COL22A1: variants seen among roughly 807,000 people sequenced by gnomAD.
The protein encoded by COL22A1 is collagen type XXII alpha 1 chain.
In COL22A1, 221 loss-of-function variants were observed where a neutral mutation model predicts 248.9. That is an observed-to-expected ratio of 0.89 (90% CI 0.80 to 0.99). COL22A1 has a LOEUF of 0.99. COL22A1 is among the 50% of genes least tolerant of loss of function. The pLI is 0.00. For missense variants in COL22A1, 2,240 were observed against 2,179.0 expected (o/e 1.03, Z -0.56); for synonymous variants, 891 against 793.4 (o/e 1.12, Z -2.07).
At chr8:138,817,901 G>A (rs559016051) in intron 7 of COL22A1, among the ~76,000 whole-genome samples, 28 of 152,254 alleles carry the variant, frequency 1.8e-4, no homozygotes, top group Admixed American at 1.8e-3. Flanking sequence ...GAGGCTATAG[G>A]GGAGCTTGGA....
chr8:138,778,234 G>T, intron 15 of COL22A1, 119 bp downstream of exon 15: 1 of 1,033,646 alleles, frequency 9.7e-7, no homozygotes, highest in Non-Finnish European at 1.5e-6. Flanking sequence ...CACTTCATTG[G>T]CATCAGTAAG....
chr8:138,636,360 G>A (rs974150638), intron 48 of COL22A1, among the ~76,000 whole-genome samples: 9 of 151,618 alleles, frequency 5.9e-5, no homozygotes, highest in African/African-American at 2.2e-4. Flanking sequence ...CAGCAAGAGA[G>A]CCAGGCAACA....
chr8:138,799,168 A>G (rs1374805263), intron 11 of COL22A1, among the ~76,000 whole-genome samples: 1 of 152,028 alleles, frequency 6.6e-6, no homozygotes, highest in African/African-American at 2.4e-5. Context: ...GTTCTTTATA[A>G]TTTCTAACTC....
intron 12 of COL22A1, among the ~76,000 whole-genome samples, chr8:138,781,981 T>C (rs1354562205): frequency 1.3e-5 from 2 of 152,258 alleles, no homozygotes; most frequent in Admixed American, 6.5e-5. Context: ...GATTTACTCA[T>C]CATAATCCTA....
intron 22 of COL22A1, among the ~76,000 whole-genome samples, chr8:138,749,452 G>T (rs1261228863): frequency 6.6e-6 from 1 of 152,122 alleles, no homozygotes; most frequent in East Asian, 1.9e-4. Flanking sequence ...AATGCAAAAT[G>T]AAAAAAGCTT....
At chr8:138,758,535 G>T (rs1405511313) in intron 18 of COL22A1, among the ~76,000 whole-genome samples, 1 of 152,216 alleles carries the variant, frequency 6.6e-6, no homozygotes, top group Non-Finnish European at 1.5e-5. Context: ...ATAGGCCTTG[G>T]TCAATAATCA....
intron 5 of COL22A1, among the ~76,000 whole-genome samples, chr8:138,829,907 G>T (rs1465499667): frequency 4.6e-5 from 7 of 151,828 alleles, no homozygotes; most frequent in Non-Finnish European, 8.8e-5. Flanking sequence ...TTTTGCTTAG[G>T]TTATACACAC....
At chr8:138,741,015 G>T (rs1831515075) in intron 22 of COL22A1, among the ~76,000 whole-genome samples, 1 of 152,136 alleles carries the variant, frequency 6.6e-6, no homozygotes, top group African/African-American at 2.4e-5. Flanking sequence ...GAGATTCCTG[G>T]GGTTCTAACC....
intron 12 of COL22A1, among the ~76,000 whole-genome samples, chr8:138,794,718 G>C (rs4281141): frequency 0.41 from 62,007 of 151,952 alleles, 16,253 homozygotes; most frequent in African/African-American, 0.75. Flanking sequence ...CAACCGAATG[G>C]TATTCAGCCT....
intron 16 of COL22A1, among the ~76,000 whole-genome samples, chr8:138,764,946 ACT>A (rs1833795032): frequency 6.6e-6 from 1 of 152,128 alleles, no homozygotes; most frequent in African/African-American, 2.4e-5. Context: ...ACAGAGTGAG[ACT>A]CTGTCTCAAA....
chr8:138,656,264 G>A (rs1035016436), intron 44 of COL22A1, among the ~76,000 whole-genome samples: 2 of 152,052 alleles, frequency 1.3e-5, no homozygotes, highest in African/African-American at 4.8e-5. Flanking sequence ...AACCTGATAG[G>A]TCATATGAGT....
Position 138,656,039 on chromosome 8 carries a change from A to G in COL22A1, c.3286-95T>C, listed in dbSNP as rs115618478. ...AAGCAAAAGGACTTTAAAGTGTGAC[A>G]CAATACGTGACACACTGCGCCGTGC... On this transcript the variant is annotated intron_variant, in intron 44 of 64. Transcript: ENST00000303045. 3,621 of 970,908 alleles carry G rather than the reference A, an allele frequency of 3.7e-3. 74 individuals are homozygous for G. In the African/African-American group the frequency reaches 0.053, roughly 14 times the overall value. The allele number at this position is 970,908 out of a possible 1,614,324, so 60.1% of individuals were successfully genotyped here. A position where few individuals can be genotyped will look rare whatever the true frequency, so the allele number is the denominator to read the frequency against.
intron 12 of COL22A1, among the ~76,000 whole-genome samples, chr8:138,784,559 G>A (rs1374605563): frequency 6.6e-6 from 1 of 152,180 alleles, no homozygotes; most frequent in African/African-American, 2.4e-5. Flanking sequence ...TACAGGAGGA[G>A]GTGATTTCTA....
At chr8:138,669,680 T>C (rs1252724742) in intron 41 of COL22A1, among the ~76,000 whole-genome samples, 1 of 152,158 alleles carries the variant, frequency 6.6e-6, no homozygotes, top group Non-Finnish European at 1.5e-5. Flanking sequence ...ACAGTAATAG[T>C]TACACCTTAC....
chr8:138,791,760 A>G (rs1816066414), intron 12 of COL22A1, among the ~76,000 whole-genome samples: 1 of 152,158 alleles, frequency 6.6e-6, no homozygotes, highest in African/African-American at 2.4e-5. Context: ...ACCTTTCACC[A>G]CATTCATCCC....
At chr8:138,678,111 C>T (rs1352310648) in intron 40 of COL22A1, among the ~76,000 whole-genome samples, 2 of 152,150 alleles carry the variant, frequency 1.3e-5, no homozygotes, top group African/African-American at 4.8e-5. Context: ...AGTACATAAG[C>T]TATGTATTCA....
rs1275091313 is a variant in COL22A1 at position 138,902,735 on chromosome 8, T to TACACACAC, written c.-73+10883_-73+10884insGTGTGTGT. 2.9e-3 allele frequency among the ~76,000 whole-genome samples: 258 copies of TACACACAC among 90,342 alleles called. 1 individual carries two copies. Among genetic ancestry groups the TACACACAC allele is most frequent in the Middle Eastern group, 5.3e-3 (1 of 190 alleles). The allele number at this position is 90,342 out of a possible 152,430, so 59.3% of individuals were successfully genotyped here. A position where few individuals can be genotyped will look rare whatever the true frequency, so the allele number is the denominator to read the frequency against. On this transcript the variant is annotated intron_variant, in intron 1 of 64. Transcript: ENST00000303045. ...AAAAAAAAATTTATAAATATATATA[T>TACACACAC]ATATACACACACACACACACACACA... is the stretch of plus-strand genomic sequence containing the variant.
At chr8:138,855,576 A>G (rs1053985714) in intron 3 of COL22A1, among the ~76,000 whole-genome samples, 8 of 152,176 alleles carry the variant, frequency 5.3e-5, no homozygotes, top group Non-Finnish European at 1.2e-4. Flanking sequence ...TCCCTGTCCA[A>G]AGCAATCCTT....
chr8:138,910,298 C>T (rs1419394014), intron 1 of COL22A1, among the ~76,000 whole-genome samples: 1 of 152,222 alleles, frequency 6.6e-6, no homozygotes, highest in South Asian at 2.1e-4. Flanking sequence ...TTCCCCTCAA[C>T]ATACACACCC....
Sources: allele counts gnomAD v4.1 joint callset (sites outside exome capture counted in the v4.1 genomes callset), GRCh38; gene constraint gnomAD v4.1.1; transcripts MANE v1.5; gene names NCBI Gene and HGNC (gene_info 2026-07-23, HGNC 2026-07-21).